The following ABCA13 variants were observed in gnomAD, a reference collection of about 807,000 sequenced individuals.
The protein encoded by ABCA13 is ATP-binding cassette sub-family A member 13.
In ABCA13, 476 loss-of-function variants were observed where a neutral mutation model predicts 478.7. The ratio of observed to expected loss-of-function variants is 0.99; its 90% CI spans 0.92 to 1.07. ABCA13 has a LOEUF of 1.07. Among genes scored for constraint, ABCA13 ranks in the 50% least tolerant of loss-of-function variants. ABCA13 has a pLI of 0.00. For missense variants in ABCA13, 6,060 were observed against 5,910.6 expected, an observed-to-expected ratio of 1.03 and a Z score of -0.83; for synonymous variants, 2,252 against 2,158.9, an observed-to-expected ratio of 1.04 and a Z score of -1.20.
chr7:48,516,256 A>G (rs1832099013), intron 51 of ABCA13, among the ~76,000 whole-genome samples: 1 of 152,186 alleles, frequency 6.6e-6, no homozygotes, highest in South Asian at 2.1e-4. Context: ...CCAGAAATAA[A>G]CAATTCATCA....
At chr7:48,537,177 T>C (rs1833639998) in intron 55 of ABCA13, among the ~76,000 whole-genome samples, 1 of 152,232 alleles carries the variant, frequency 6.6e-6, no homozygotes, top group African/African-American at 2.4e-5. Context: ...TTGTCATTCT[T>C]CTTAATCCCC....
At chr7:48,362,612 G>A (rs1385504551) in intron 31 of ABCA13, among the ~76,000 whole-genome samples, 1 of 150,796 alleles carries the variant, frequency 6.6e-6, no homozygotes, top group African/African-American at 2.4e-5. Flanking sequence ...CCTCTATCTT[G>A]TGTTTCTTAT....
At chr7:48,517,856 T>C (rs544283762) in intron 52 of ABCA13, among the ~76,000 whole-genome samples, 1 of 152,182 alleles carries the variant, frequency 6.6e-6, no homozygotes, top group Non-Finnish European at 1.5e-5. Flanking sequence ...CTGGAAAAGG[T>C]ACTGAGCTCC....
rs1813511710 is a variant in ABCA13, at chr7:48,376,545, G to T, written c.11308G>T (p.Gly3770Ter). The T allele has an allele frequency of 6.2e-7, 1 of 1,613,742 alleles. No homozygotes were observed. Among genetic ancestry groups the T allele is most frequent in the South Asian group, 1.1e-5 (1 of 91,082 alleles). ...TGATTCAAGCCTTTATTTTTTGTGT[G>T]GATGGTACTTGAGCAACTTGATTCC... ...LFDSSLYFLC[G>*]WYLSNLIPGT... Residue 3770 changes from glycine to a stop codon, truncating the protein, a stop_gained, in exon 35 of 62, where the codon GGA becomes TGA. Coordinates refer to ENST00000435803, the MANE Select transcript of ABCA13 (RefSeq NM_152701.5). LOFTEE classifies it high-confidence loss of function.
In ABCA13 at chr7:48,276,043, C is replaced by A; in HGVS notation, c.6377C>A (p.Thr2126Lys). 1 of 1,607,680 alleles carries A rather than the reference C, an allele frequency of 6.2e-7. No homozygotes were observed. Among genetic ancestry groups the A allele is most frequent in the Non-Finnish European group, 8.5e-7 (1 of 1,176,856 alleles). The part of the protein sequence containing the change: ...LEIIEDFLLV[T>K]KNWLQEYANE... ...ATTATTGAAGATTTTCTATTGGTCACAAAAAACTGGCTTCAGGAATATGCA... is the reference window on the plus strand; with the variant it reads ...ATTATTGAAGATTTTCTATTGGTCAAAAAAAACTGGCTTCAGGAATATGCA... The change falls in exon 17 of 62, where the codon ACA (threonine) becomes AAA (lysine). Residue 2126 changes from threonine (T) to lysine (K), a missense_variant. This residue lies in a region of ABCA13 where 4,423 missense variants were observed against 4,309.1 expected (regional missense o/e 1.03). Transcript: ENST00000435803.
At chr7:48,443,562 A>G (rs528053337) in intron 42 of ABCA13, among the ~76,000 whole-genome samples, 2 of 152,188 alleles carry the variant, frequency 1.3e-5, no homozygotes, top group South Asian at 4.1e-4. Context: ...CACTTTGCTG[A>G]TTTGTTGTTA....
chr7:48,309,305 T>C (rs981334805), intron 23 of ABCA13, among the ~76,000 whole-genome samples: 2 of 152,126 alleles, frequency 1.3e-5, no homozygotes, highest in African/African-American at 4.8e-5. Context: ...TTTATTTTGC[T>C]TTGTAATTTG....
intron 29 of ABCA13, among the ~76,000 whole-genome samples, chr7:48,338,983 AC>A: frequency 6.6e-6 from 1 of 152,166 alleles, no homozygotes. Context: ...TTCCTGTTCC[AC>A]CATGCAGTGC....
rs112816580 is a variant in ABCA13, at chr7:48,409,084, A to C, written c.12071-1436A>C. Among the ~76,000 whole-genome samples the C allele has an allele frequency of 1.4e-3, 212 of 152,354 alleles. 3 individuals are homozygous for C. The highest frequency in any genetic ancestry group is 4.7e-3 in the African/African-American group (196 of 41,582). On this transcript the variant is annotated intron_variant, in intron 39 of 61. Transcript: ENST00000435803. ...TCAAATCAGGGTAATTAGCATATTC[A>C]CAACCTCAAACATTTACTTGAGTAG...
chr7:48,203,668 G>A (rs1439567043), intron 3 of ABCA13, among the ~76,000 whole-genome samples: 1 of 152,218 alleles, frequency 6.6e-6, no homozygotes, highest in Non-Finnish European at 1.5e-5. Flanking sequence ...CAACAGAAGT[G>A]GATATTCTTG....
At chr7:48,636,432 G>C (rs748357579) in intron 59 of ABCA13, among the ~76,000 whole-genome samples, 6 of 152,204 alleles carry the variant, frequency 3.9e-5, no homozygotes, top group Non-Finnish European at 7.3e-5. Context: ...TAACTCAGCT[G>C]TCACTTGGGT....
At chr7:48,452,230 G>A (rs994796335) in intron 42 of ABCA13, among the ~76,000 whole-genome samples, 1 of 152,120 alleles carries the variant, frequency 6.6e-6, no homozygotes, top group African/African-American at 2.4e-5. Flanking sequence ...TTTAATAACT[G>A]TTCTAATAAT....
At chr7:48,264,449 T>G (rs1359685852) in intron 15 of ABCA13, among the ~76,000 whole-genome samples, 1 of 151,900 alleles carries the variant, frequency 6.6e-6, no homozygotes, top group East Asian at 1.9e-4. Context: ...ACACTTGGTA[T>G]GATCAGTCTT....
intron 59 of ABCA13, among the ~76,000 whole-genome samples, chr7:48,623,399 G>C (rs1266856853): frequency 6.6e-6 from 1 of 152,132 alleles, no homozygotes; most frequent in Non-Finnish European, 1.5e-5. Context: ...TCTGTTTGAT[G>C]ATAACATAAT....
At chr7:48,254,985 G>A (rs1379128149) in intron 15 of ABCA13, among the ~76,000 whole-genome samples, 1 of 152,118 alleles carries the variant, frequency 6.6e-6, no homozygotes, top group African/African-American at 2.4e-5. Flanking sequence ...TCCCTATTCT[G>A]TAATGTTGGC....
intron 7 of ABCA13, among the ~76,000 whole-genome samples, chr7:48,233,076 G>C (rs1789401938): frequency 6.6e-6 from 1 of 152,078 alleles, no homozygotes; most frequent in Admixed American, 6.5e-5. Flanking sequence ...AATCAGACTG[G>C]AAACAAAAAA....
At chr7:48,509,052 G>A (rs184106773) in intron 50 of ABCA13, among the ~76,000 whole-genome samples, 29 of 152,190 alleles carry the variant, frequency 1.9e-4, no homozygotes, top group Admixed American at 1.6e-3. Context: ...GGGACATTTG[G>A]TAACAATAAG....
chr7:48,523,901 T>C lies in ABCA13; in HGVS notation c.14052-347T>C, dbSNP rs1832721303. Reference sequence around the variant, plus strand: ...AATGACTTGTTTAGTAAAAAGCACTTAATAAGTAAATGCCTTATAATAATT... The same window carrying C: ...AATGACTTGTTTAGTAAAAAGCACTCAATAAGTAAATGCCTTATAATAATT... On this transcript the variant is annotated intron_variant, in intron 53 of 61. Transcript: ENST00000435803. Among the ~76,000 whole-genome samples, 3 of 152,300 alleles carry C rather than the reference T, an allele frequency of 2.0e-5. No homozygotes were observed. In the South Asian group the frequency reaches 6.2e-4, roughly 32 times the overall value.
chr7:48,635,091 C>G (rs1454732717), intron 59 of ABCA13, among the ~76,000 whole-genome samples: 1 of 151,920 alleles, frequency 6.6e-6, no homozygotes, highest in Non-Finnish European at 1.5e-5. Context: ...CTGGTTCTCT[C>G]TGGTAAATTA....
Sources: allele counts gnomAD v4.1 joint callset (sites outside exome capture counted in the v4.1 genomes callset), GRCh38; gene constraint gnomAD v4.1.1; regional missense constraint gnomAD v4.1.1; transcripts MANE v1.5; gene names NCBI Gene and HGNC (gene_info 2026-07-23, HGNC 2026-07-21).